The following CNOT2 variants were observed in gnomAD, a reference collection of about 807,000 sequenced individuals.
CNOT2 encodes CC chemokine receptor 4-negative regulator of transcription 2.
A neutral mutation model predicts 72.1 loss-of-function variants in CNOT2; 7 were observed. The observed-to-expected ratio is 0.10, with a 90% CI of 0.06 to 0.18. The LOEUF is 0.18. Ranked by LOEUF, CNOT2 falls within the 10% of genes least tolerant of loss-of-function variation. CNOT2 has a pLI of 1.00. For synonymous variants in CNOT2, 196 were observed against 225.6 expected (o/e 0.87, Z 1.17); for missense variants, 345 against 660.3 (o/e 0.52, Z 5.23).
intron 2 of CNOT2, among the ~76,000 whole-genome samples, chr12:70,281,826 A>ACTCATTTAAATTAAATAAATTTAAT (rs2135819320): frequency 1.3e-5 from 2 of 152,200 alleles, no homozygotes; most frequent in African/African-American, 2.4e-5. Context: ...TTAAATTTAA[A>ACTCATTTAAATTAAATAAATTTAAT]CTCATTTAAA....
At chr12:70,351,663 A>C (rs1446080538) in intron 15 of CNOT2, among the ~76,000 whole-genome samples, 1 of 152,232 alleles carries the variant, frequency 6.6e-6, no homozygotes, top group Admixed American at 6.5e-5. Flanking sequence ...TAACTTACTC[A>C]GTATAACTTA....
intron 1 of CNOT2, among the ~76,000 whole-genome samples, chr12:70,258,139 C>T (rs1357696212): frequency 6.6e-6 from 1 of 152,034 alleles, no homozygotes. Flanking sequence ...AGAATAAAGA[C>T]AAAATAAGAG....
At chr12:70,325,960 G>A (rs575478485) in intron 4 of CNOT2, among the ~76,000 whole-genome samples, 5 of 151,834 alleles carry the variant, frequency 3.3e-5, no homozygotes, top group African/African-American at 1.2e-4. Flanking sequence ...AAAGAATGAC[G>A]TATTTTGCCA....
chr12:70,263,311 T>C (rs1958866004), intron 1 of CNOT2, among the ~76,000 whole-genome samples: 1 of 152,204 alleles, frequency 6.6e-6, no homozygotes, highest in Admixed American at 6.5e-5. Context: ...CTCTCCTTTC[T>C]TCTTACTCCC....
intron 3 of CNOT2, among the ~76,000 whole-genome samples, chr12:70,313,894 G>A (rs897574858): frequency 1.3e-5 from 2 of 151,840 alleles, no homozygotes; most frequent in African/African-American, 4.8e-5. Flanking sequence ...ATACATTCTT[G>A]GGCCTGTTTC....
intron 1 of CNOT2, 97 bp downstream of exon 1, chr12:70,243,577 C>T (rs2135665316): frequency 6.6e-6 from 1 of 152,230 alleles, no homozygotes; most frequent in African/African-American, 2.4e-5. Context: ...GCCCCGGGGC[C>T]GGTCCGGTCG....
chr12:70,339,014 A>G (rs996345187), intron 11 of CNOT2, among the ~76,000 whole-genome samples, 192 bp downstream of exon 11: 36 of 131,048 alleles, frequency 2.7e-4, no homozygotes, highest in East Asian at 7.4e-4. Flanking sequence ...TTGGCATTTT[A>G]TGTGTGTGTG....
chr12:70,296,930 G>A (rs1018496189), intron 2 of CNOT2, among the ~76,000 whole-genome samples: 6 of 152,008 alleles, frequency 3.9e-5, no homozygotes, highest in Non-Finnish European at 8.8e-5. Context: ...TTTGATATAC[G>A]AATATTCTAC....
At chr12:70,282,001 T>A (rs1272484756) in intron 2 of CNOT2, among the ~76,000 whole-genome samples, 24 of 152,230 alleles carry the variant, frequency 1.6e-4, no homozygotes, top group Non-Finnish European at 1.5e-5. Context: ...TAGATAATAC[T>A]GCTGTATCTA....
At chr12:70,342,347 TA>T (rs774840926) in intron 13 of CNOT2, 40 bp downstream of exon 13, 1 of 1,605,018 alleles carries the variant, frequency 6.2e-7, no homozygotes, top group Non-Finnish European at 8.5e-7. Context: ...AGCATGAATT[TA>T]TCTATTTTTC....
At chr12:70,353,720 G>C in intron 15 of CNOT2, 109 bp from the exon 16 acceptor site, 1 of 1,487,582 alleles carries the variant, frequency 6.7e-7, no homozygotes, top group Non-Finnish European at 9.0e-7. Flanking sequence ...CTGTGTTGAT[G>C]TTGATTCATA....
At chr12:70,346,109 T>A (rs1385499801) in intron 14 of CNOT2, 71 bp from the exon 15 acceptor site, 4 of 1,034,024 alleles carry the variant, frequency 3.9e-6, no homozygotes, top group Non-Finnish European at 5.7e-6. Flanking sequence ...AGGAAAGCTT[T>A]ACAAAATGTA....
intron 15 of CNOT2, among the ~76,000 whole-genome samples, chr12:70,352,894 G>A (rs1205499803): frequency 6.6e-6 from 1 of 151,982 alleles, no homozygotes; most frequent in Non-Finnish European, 1.5e-5. Flanking sequence ...TGATTAAAGT[G>A]AGCTGCTATC....
At chr12:70,288,188 G>T (rs1485217964) in intron 2 of CNOT2, among the ~76,000 whole-genome samples, 1 of 118,630 alleles carries the variant, frequency 8.4e-6, no homozygotes, top group Non-Finnish European at 1.7e-5. Context: ...TTGTTGCCTA[G>T]GCTGGAGTGC....
chr12:70,346,106 C>A, intron 14 of CNOT2, 74 bp from the exon 15 acceptor site: 4 of 982,272 alleles, frequency 4.1e-6, no homozygotes, highest in Non-Finnish European at 6.1e-6. Context: ...CGGAGGAAAG[C>A]TTTACAAAAT....
At chr12:70,347,139 A>T (rs1405342413) in intron 15 of CNOT2, among the ~76,000 whole-genome samples, 1 of 152,126 alleles carries the variant, frequency 6.6e-6, no homozygotes, top group African/African-American at 2.4e-5. Flanking sequence ...GTTTGTTTTA[A>T]ATAAATTTAA....
At chr12:70,287,380 A>T (rs1019031997) in intron 2 of CNOT2, among the ~76,000 whole-genome samples, 1 of 149,310 alleles carries the variant, frequency 6.7e-6, no homozygotes, top group Non-Finnish European at 1.5e-5. Context: ...AGTGTTCTTT[A>T]ATGTTTTCCT....
At chr12:70,333,701 G>A (rs1321836441) in intron 7 of CNOT2, among the ~76,000 whole-genome samples, 1 of 151,930 alleles carries the variant, frequency 6.6e-6, no homozygotes, top group East Asian at 1.9e-4. Context: ...AAATGTTAAT[G>A]TATGCTCAGC....
intron 15 of CNOT2, among the ~76,000 whole-genome samples, chr12:70,352,185 CAGGCTTTTTGTCACATGG>C (rs879401856): frequency 8.5e-5 from 13 of 152,288 alleles, no homozygotes; most frequent in Non-Finnish European, 1.6e-4. Flanking sequence ...ACAAAAGACA[CAGGCTTTTTGTCACATGG>C]AGGCTTTTTG....
Sources: gnomAD v4.1 joint callset for allele counts (sites outside exome capture counted in the v4.1 genomes callset) on GRCh38, gnomAD v4.1.1 for gene constraint, MANE v1.5 for transcripts, NCBI Gene and HGNC (gene_info 2026-07-23, HGNC 2026-07-21) for gene names.